Variants in EPHB4 observed in about 807,000 individuals in gnomAD.
EPHB4 encodes the protein ephrin type-B receptor 4.
EPHB4 carries 50 observed loss-of-function variants against 110.6 expected under a neutral mutation model. The ratio of observed to expected loss-of-function variants is 0.45; its 90% CI spans 0.36 to 0.57. EPHB4 has a LOEUF of 0.57. EPHB4 is among the 20% of genes least tolerant of loss of function. The pLI is 0.00. For synonymous variants in EPHB4, 592 were observed against 578.4 expected (o/e 1.02, Z -0.34); for missense variants, 1,128 against 1,382.1 (o/e 0.82, Z 2.91).
rs1161737852 is a variant in EPHB4 at position 100,805,577 on chromosome 7, G to A, written c.2602C>T (p.Pro868Ser). The A allele has an allele frequency of 2.6e-6, 4 of 1,548,704 alleles. No individual in the cohort carries two copies. In the Admixed American group the frequency reaches 6.3e-5, roughly 24 times the overall value. ...TTGTCCAGGGCGCTGACCACCTGGGGGAAGCGGGGCCGGGCATTCCGGTCT... is the reference window on the plus strand; with the variant it reads ...TTGTCCAGGGCGCTGACCACCTGGGAGAAGCGGGGCCGGGCATTCCGGTCT... ...QKDRNARPRF[P>S]QVVSALDKMI... The change falls in exon 15 of 17, where the codon CCC becomes TCC. Residue 868 changes from proline (P) to serine (S), a missense_variant. Transcript: ENST00000358173.
rs1003569309 is a variant in EPHB4 at position 100,818,638 on chromosome 7, G to A, written c.1304C>T (p.Pro435Leu). ...VNVTTDREVP[P>L]AVSDIRVTRS... The stretch of plus-strand genomic sequence containing the variant: ...CGTCACCCGGATGTCAGACACTGCA[G>A]GAGGTACTGTGAGAGGCAGAGACAC... Residue 435 changes from proline to leucine, a missense_variant, in exon 7 of 17, where the codon CCT (proline) becomes CTT (leucine). By Grantham distance (98) the Pro-to-Leu change is moderately conservative. This residue lies in a region of EPHB4 where 728 missense variants were observed against 828.6 expected (regional missense o/e 0.88). Transcript: ENST00000358173. 1 of 1,609,368 alleles carries A rather than the reference G, an allele frequency of 6.2e-7. No homozygotes were observed.
At chr7:100,819,938 T>C in intron 5 of EPHB4, 49 bp from the exon 6 acceptor site, 1 of 1,508,266 alleles carries the variant, frequency 6.6e-7, no homozygotes, top group East Asian at 2.5e-5. Context: ...TCTGCGGTGG[T>C]GGGGAGAGGG....
rs1347698818 is a variant in EPHB4, at chr7:100,820,126, G to A, written c.964+15C>T. 3 of 1,612,588 alleles carry A rather than the reference G, an allele frequency of 1.9e-6. No individual in the cohort carries two copies. Among genetic ancestry groups the A allele is most frequent in the Non-Finnish European group, 2.5e-6 (3 of 1,179,484 alleles). ...CCCCTCCCCAGTGAACTGCACCTGGGTGCTGGTCACTTACTGGTGCAGGGT... is the reference window on the plus strand; with the variant it reads ...CCCCTCCCCAGTGAACTGCACCTGGATGCTGGTCACTTACTGGTGCAGGGT... On this transcript the variant is annotated intron_variant, in intron 5 of 16. Transcript: ENST00000358173.
Position 100,822,589 on chromosome 7 carries a change from G to A in EPHB4, c.490C>T (p.Leu164=). 5 of 1,611,904 alleles carry A rather than the reference G, an allele frequency of 3.1e-6. No homozygotes were observed. The highest frequency in any genetic ancestry group is 3.4e-6 in the Non-Finnish European group (4 of 1,179,130). Residue 164 remains leucine, a synonymous_variant, in exon 4 of 17, where the codon CTG becomes TTG. Transcript: ENST00000358173. The surrounding 1 kb of genome is among the most constrained non-coding windows in gnomAD (Gnocchi z 4.7). The part of the protein sequence containing the change: ...EATGKVNVKT[L]RLGPLSKAGF... Reference sequence around the variant, plus strand: ...GCCTTGCTGAGCGGTCCCAGACGCAGCGTCTTGACATTCACCTTCCCGGTG... The same window carrying A: ...GCCTTGCTGAGCGGTCCCAGACGCAACGTCTTGACATTCACCTTCCCGGTG...
chr7:100,808,555 A>G (rs2116421622), intron 12 of EPHB4, among the ~76,000 whole-genome samples: 1 of 152,242 alleles, frequency 6.6e-6, no homozygotes, highest in South Asian at 2.1e-4. Flanking sequence ...ATTGGTGCTG[A>G]TCCAACCACA....
At chr7:100,815,375 C>A (rs1356613609) in intron 8 of EPHB4, among the ~76,000 whole-genome samples, 1 of 151,988 alleles carries the variant, frequency 6.6e-6, no homozygotes, top group East Asian at 1.9e-4. Context: ...ATATATACTA[C>A]AACATACATA....
At position 100,817,204 on chromosome 7, in the gene EPHB4, T is replaced by C. The variant is rs771353399; in HGVS notation, c.1576A>G (p.Thr526Ala). 2.5e-6 allele frequency: 4 copies of C among 1,570,484 alleles called. No homozygotes were observed. The Admixed American group carries it at 7.4e-5, about 29-fold the overall frequency. ...TCCCCAGGCTCACCATCCAGTTGGG[T>C]CTGGCTGTGATGTTCCTGGCCGAAG... is the stretch of plus-strand genomic sequence containing the variant. ...GPFGQEHHSQ[T>A]QLDESEGWRE... Residue 526 changes from threonine (T) to alanine (A), a missense_variant, in exon 8 of 17, where the codon ACC becomes GCC. Transcript: ENST00000358173.
At chr7:100,824,033 G>T in intron 2 of EPHB4, 102 bp from the exon 3 acceptor site, 1 of 1,510,444 alleles carries the variant, frequency 6.6e-7, no homozygotes, top group Non-Finnish European at 8.9e-7. Context: ...AAGGGGGGCT[G>T]CTGGTACTGC....
At chr7:100,817,924 T>G (rs1448943812) in intron 7 of EPHB4, among the ~76,000 whole-genome samples, 19 of 125,394 alleles carry the variant, frequency 1.5e-4, no homozygotes, top group Non-Finnish European at 2.4e-4. Context: ...CGGACTGCAG[T>G]GGCGCTATCT....
chr7:100,817,386 TCACCCGGGAACC>T, intron 7 of EPHB4, 29 bp from the exon 8 acceptor site: 1 of 1,522,966 alleles, frequency 6.6e-7, no homozygotes, highest in South Asian at 1.2e-5. Context: ...GGGGTGGCCG[TCACCCGGGAACC>T]CAAGTTCCTG....
At chr7:100,826,880 A>T in intron 1 of EPHB4, 99 bp downstream of exon 1, 3 of 1,240,860 alleles carry the variant, frequency 2.4e-6, no homozygotes, top group Non-Finnish European at 3.2e-6. Flanking sequence ...GTGCCCGGGT[A>T]GGGGTAGTCA....
intron 14 of EPHB4, 37 bp from the exon 15 acceptor site, chr7:100,805,731 C>T: frequency 1.4e-6 from 2 of 1,397,208 alleles, no homozygotes; most frequent in South Asian, 2.0e-5. Flanking sequence ...TGAGGCTGTC[C>T]AGGAAAAGCA....
At position 100,827,104 on chromosome 7, in the gene EPHB4, G is replaced by C; in HGVS notation, c.-74C>G. Reference sequence around the variant, plus strand: ...GCCCCCCCAGGTCTGACTCTCCCTGGGCGGGTGGACGCCGATACTCCGCGC... The same window carrying C: ...GCCCCCCCAGGTCTGACTCTCCCTGCGCGGGTGGACGCCGATACTCCGCGC... On this transcript the variant is annotated 5_prime_UTR_variant, in exon 1 of 17. Transcript: ENST00000358173. The C allele has an allele frequency of 6.7e-7, 1 of 1,501,322 alleles. No individual in the cohort carries two copies. Among genetic ancestry groups the C allele is most frequent in the South Asian group, 1.2e-5 (1 of 81,948 alleles). 93.0% of individuals were successfully genotyped at this position (1,501,322 alleles called of 1,614,324 possible).
rs1329211881 is a variant in EPHB4, at chr7:100,819,745, C to A, written c.1109G>T (p.Cys370Phe). The A allele has an allele frequency of 6.2e-7, 1 of 1,608,372 alleles. No homozygotes were observed. The highest frequency in any genetic ancestry group is 1.3e-5 in the African/African-American group (1 of 74,822). ...RCRECRPGGS[C>F]APCGGDLTFD... ...AGTCAGGTCTCCCCCGCAGGGCGCA[C>A]AGGAGCCTCCGGGTCGGCACTCCCG... Residue 370 changes from cysteine (C) to phenylalanine (F), a missense_variant, in exon 6 of 17, where the codon TGT (cysteine) becomes TTT (phenylalanine). Physicochemically the swap from Cys to Phe is radical, Grantham distance 205. Coordinates refer to ENST00000358173, the MANE Select transcript of EPHB4 (RefSeq NM_004444.5).
intron 13 of EPHB4, 31 bp from the exon 14 acceptor site, chr7:100,806,600 G>A (rs750504664): frequency 6.3e-7 from 1 of 1,599,250 alleles, no homozygotes; most frequent in South Asian, 1.1e-5. Context: ...GTGAGCTGGG[G>A]GACTCACTGA....
At position 100,812,924 on chromosome 7, in the gene EPHB4, CTT is replaced by C. The variant is rs1812971742; in HGVS notation, c.1939_1940del (p.Lys647AspfsTer13). On this transcript the variant is annotated frameshift_variant, in exon 12 of 17. Coordinates refer to ENST00000358173, the MANE Select transcript of EPHB4 (RefSeq NM_004444.5). LOFTEE classifies it high-confidence loss of function. ...GCTCCGTGTAGCCACCCTTCAGGGTCTTGATTGCCACACAGCTCTCCTTCTTC... is the reference window on the plus strand; with the variant it reads ...GCTCCGTGTAGCCACCCTTCAGGGTCGATTGCCACACAGCTCTCCTTCTTC... ...PGKKESCVAIKTLKGGYTERQ... is the reference protein window; with the variant it reads ...PGKKESCVAIXTLKGGYTERQ... 6.2e-7 allele frequency: 1 copy of C among 1,614,090 alleles called. No homozygotes were observed. The highest frequency in any genetic ancestry group is 8.5e-7 in the Non-Finnish European group (1 of 1,180,052).
At chr7:100,823,115 G>A (rs1231142879) in intron 3 of EPHB4, among the ~76,000 whole-genome samples, 4 of 152,100 alleles carry the variant, frequency 2.6e-5, no homozygotes, top group Non-Finnish European at 4.4e-5. Context: ...AGAAGACCCC[G>A]CTTTAAAAAT....
intron 8 of EPHB4, 110 bp downstream of exon 8, chr7:100,817,082 C>CAAAAA (rs35304729): frequency 4.3e-5 from 34 of 783,334 alleles, no homozygotes; most frequent in African/African-American, 9.1e-5. Context: ...GACTCCATCT[C>CAAAAA]AAAAAAAAAA....
chr7:100,813,264 G>A (rs937962603), intron 10 of EPHB4, 56 bp from the exon 11 acceptor site: 33 of 1,420,332 alleles, frequency 2.3e-5, no homozygotes, highest in Admixed American at 3.7e-5. Flanking sequence ...TGGACTCGGA[G>A]GCTCGGCTCA....
Sources: gnomAD v4.1 joint callset for allele counts (sites outside exome capture counted in the v4.1 genomes callset) on GRCh38, gnomAD v4.1.1 for gene constraint, gnomAD v4.1.1 regional missense constraint, Gnocchi (gnomAD v3.1) non-coding constraint, MANE v1.5 for transcripts, NCBI Gene and HGNC (gene_info 2026-07-23, HGNC 2026-07-21) for gene names.